LRRC27: variants seen among roughly 807,000 people sequenced by gnomAD.
LRRC27 encodes the protein leucine rich repeat containing 27, also known as leucine-rich repeat-containing protein 27.
A neutral mutation model predicts 55.0 loss-of-function variants in LRRC27; 57 were observed. The observed-to-expected ratio is 1.04, with a 90% CI of 0.84 to 1.29. The LOEUF (loss-of-function observed/expected upper bound fraction) is 1.29. LRRC27 is among the 50% of genes most tolerant of loss of function. The pLI, the probability that LRRC27 is intolerant of heterozygous loss-of-function variation, is 0.00. For missense variants in LRRC27, 721 were observed against 651.5 expected (o/e 1.11, Z -1.16); for synonymous variants, 278 against 251.9 (o/e 1.10, Z -0.98).
intron 1 of LRRC27, among the ~76,000 whole-genome samples, chr10:132,333,160 C>G (rs989574489): frequency 2.0e-5 from 3 of 152,146 alleles, no homozygotes; most frequent in African/African-American, 7.2e-5. Context: ...GGAAGCGTTG[C>G]AGTTGATTTA....
intron 9 of LRRC27, among the ~76,000 whole-genome samples, chr10:132,364,122 A>G (rs1683925033): frequency 6.6e-6 from 1 of 152,042 alleles, no homozygotes; most frequent in African/African-American, 2.4e-5. Flanking sequence ...GACACAGGGC[A>G]TGCCCTGACC....
At chr10:132,339,420 G>C (rs1026178492) in intron 3 of LRRC27, among the ~76,000 whole-genome samples, 1 of 152,224 alleles carries the variant, frequency 6.6e-6, no homozygotes, top group Admixed American at 6.5e-5. Flanking sequence ...GGTGGTGTCC[G>C]GAGCAGGTGG....
intron 9 of LRRC27, among the ~76,000 whole-genome samples, chr10:132,364,364 C>T (rs1590715786): frequency 3.1e-5 from 1 of 32,124 alleles, no homozygotes; most frequent in Admixed American, 3.9e-4. Flanking sequence ...TCCACACCCG[C>T]GCTTACACCC....
chr10:132,353,175 G>A, intron 7 of LRRC27: 2 of 1,420,616 alleles, frequency 1.4e-6, no homozygotes, highest in Non-Finnish European at 1.8e-6. Context: ...GGTCGAGGAG[G>A]AAGGGAGAGC....
At chr10:132,362,533 G>T (rs1157918845) in intron 9 of LRRC27, among the ~76,000 whole-genome samples, 2 of 152,126 alleles carry the variant, frequency 1.3e-5, no homozygotes, top group African/African-American at 4.8e-5. Flanking sequence ...TGGTCCCTGG[G>T]TGGGTCCCTG....
In LRRC27 at chr10:132,356,343, C is replaced by T. The variant is rs371105293; in HGVS notation, c.1170+457C>T. On this transcript the variant is annotated intron_variant, in intron 8 of 10. Transcript: ENST00000368614. Reference sequence around the variant, plus strand: ...CTCTGGACCTCGAGGCAGGCAGTTTCCCTGGAAGCCAAGATTGCCAGCTCT... The same window carrying T: ...CTCTGGACCTCGAGGCAGGCAGTTTTCCTGGAAGCCAAGATTGCCAGCTCT... Among the ~76,000 whole-genome samples, 249 of 152,362 alleles carry T rather than the reference C, an allele frequency of 1.6e-3. 2 individuals are homozygous for T. Among genetic ancestry groups the T allele is most frequent in the African/African-American group, 5.6e-3 (233 of 41,586 alleles).
At chr10:132,334,398 A>G (rs1263513315) in intron 2 of LRRC27, among the ~76,000 whole-genome samples, 1 of 152,096 alleles carries the variant, frequency 6.6e-6, no homozygotes, top group Non-Finnish European at 1.5e-5. Flanking sequence ...TATGATATTG[A>G]TTGACTTTCT....
chr10:132,349,595 A>G (rs987527616), intron 6 of LRRC27, among the ~76,000 whole-genome samples: 1 of 152,114 alleles, frequency 6.6e-6, no homozygotes, highest in Admixed American at 6.6e-5. Flanking sequence ...CCCTTCAAAT[A>G]TTTATTTATT....
Position 132,365,413 on chromosome 10 carries a change from T to G in LRRC27, c.1290-11T>G. Reference sequence around the variant, plus strand: ...GTCAAGTCATTTCCCTCTTTGCCCTTTGTTTCTCAGTGCCCTGCAGGAGAG... The same window carrying G: ...GTCAAGTCATTTCCCTCTTTGCCCTGTGTTTCTCAGTGCCCTGCAGGAGAG... On this transcript the variant is annotated splice_polypyrimidine_tract_variant and intron_variant, in intron 9 of 10. Transcript: ENST00000368614. 1 of 1,613,290 alleles carries G rather than the reference T, an allele frequency of 6.2e-7. No homozygotes were observed. Among genetic ancestry groups the G allele is most frequent in the Non-Finnish European group, 8.5e-7 (1 of 1,179,780 alleles).
chr10:132,338,458 A>T (rs1412077714), intron 3 of LRRC27, among the ~76,000 whole-genome samples: 1 of 152,158 alleles, frequency 6.6e-6, no homozygotes, highest in Non-Finnish European at 1.5e-5. Flanking sequence ...TGTCCTGTCC[A>T]TTTCCACCAC....
chr10:132,351,858 C>T, intron 7 of LRRC27, 105 bp downstream of exon 7: 2 of 1,274,940 alleles, frequency 1.6e-6, no homozygotes, highest in Non-Finnish European at 2.1e-6. Flanking sequence ...TTAGTTAGTT[C>T]TCCCCTCACT....
chr10:132,354,764 C>A (rs977200511), intron 7 of LRRC27, among the ~76,000 whole-genome samples: 23 of 152,310 alleles, frequency 1.5e-4, no homozygotes, highest in African/African-American at 5.3e-4. Context: ...GAGGAAAACC[C>A]GGCCTGGGGC....
chr10:132,349,066 C>G (rs369533870), intron 6 of LRRC27: 13 of 1,588,280 alleles, frequency 8.2e-6, no homozygotes, highest in Non-Finnish European at 1.1e-5. Flanking sequence ...AGGTATGTAT[C>G]TGTGGTGTGC....
chr10:132,368,441 T>A (rs747786274), intron 10 of LRRC27, among the ~76,000 whole-genome samples: 23 of 152,094 alleles, frequency 1.5e-4, no homozygotes, highest in Non-Finnish European at 2.6e-4. Flanking sequence ...AAAGCTACAA[T>A]AACAGTGTGA....
intron 5 of LRRC27, among the ~76,000 whole-genome samples, chr10:132,347,678 G>T (rs761722619): frequency 1.3e-5 from 2 of 148,430 alleles, no homozygotes; most frequent in Non-Finnish European, 3.0e-5. Flanking sequence ...GGTCAGGTGC[G>T]CCCGGTGGTG....
chr10:132,351,021 T>G (rs2067980854), intron 6 of LRRC27: 1 of 153,894 alleles, frequency 6.5e-6, no homozygotes, highest in African/African-American at 2.4e-5. Flanking sequence ...CTATCCCCTC[T>G]GCTGTCCTGC....
At chr10:132,365,374 A>T in intron 9 of LRRC27, 50 bp from the exon 10 acceptor site, 5 of 1,606,066 alleles carry the variant, frequency 3.1e-6, no homozygotes, top group Non-Finnish European at 4.2e-6. Flanking sequence ...AGTTGCTAGG[A>T]TGAGAGTAAA....
chr10:132,381,348 A>G lies in LRRC27; in HGVS notation c.*6106A>G, dbSNP rs1020739615. Among the ~76,000 whole-genome samples, 5 of 152,244 alleles carry G rather than the reference A, an allele frequency of 3.3e-5. No homozygotes were observed. Among genetic ancestry groups the G allele is most frequent in the Admixed American group, 6.5e-5 (1 of 15,292 alleles). Reference sequence around the variant, plus strand: ...GGGGCTCTCGGGCCTTCGGCCACAGACTGAAGGCTGCACTGTCGGCTTCCC... The same window carrying G: ...GGGGCTCTCGGGCCTTCGGCCACAGGCTGAAGGCTGCACTGTCGGCTTCCC... On this transcript the variant is annotated 3_prime_UTR_variant, in exon 11 of 11. Transcript: ENST00000368614.
chr10:132,338,826 C>T (rs1281111837), intron 3 of LRRC27, among the ~76,000 whole-genome samples: 1 of 151,522 alleles, frequency 6.6e-6, no homozygotes, highest in Non-Finnish European at 1.5e-5. Context: ...CCTCTTGCCT[C>T]AGCCTCCCAA....
Sources: allele counts gnomAD v4.1 joint callset (sites outside exome capture counted in the v4.1 genomes callset), GRCh38; gene constraint gnomAD v4.1.1; transcripts MANE v1.5; gene names NCBI Gene and HGNC (gene_info 2026-07-23, HGNC 2026-07-21).